TYW1: variants seen among roughly 807,000 people sequenced by gnomAD.
TYW1 encodes the protein tRNA-yW synthesizing protein 1 homolog.
Under a neutral mutation model 96.2 loss-of-function variants are expected in TYW1, and 46 were observed. That is an observed-to-expected ratio of 0.48 (90% CI 0.38 to 0.61). TYW1 has a LOEUF of 0.61. TYW1 is among the 20% of genes least tolerant of loss of function. The probability of loss-of-function intolerance (pLI) is 0.00; values close to 1 mark genes in which losing one functional copy is unlikely to be tolerated. For synonymous variants in TYW1, 274 were observed against 323.0 expected, an observed-to-expected ratio of 0.85 and a Z score of 1.63; for missense variants, 684 against 909.6, an observed-to-expected ratio of 0.75 and a Z score of 3.19.
At chr7:67,172,538 A>C (rs1232220002) in intron 13 of TYW1, among the ~76,000 whole-genome samples, 1 of 151,678 alleles carries the variant, frequency 6.6e-6, no homozygotes, top group African/African-American at 2.4e-5. Context: ...CTCCTGCCTG[A>C]GCCTCCCGAG....
intron 13 of TYW1, among the ~76,000 whole-genome samples, chr7:67,155,306 G>A (rs552351805): frequency 1.1e-4 from 17 of 152,230 alleles, no homozygotes; most frequent in Admixed American, 9.2e-4. Flanking sequence ...ATGAGTTGGC[G>A]CTGTCCTTGT....
At chr7:67,013,713 G>T (rs193126065) in intron 4 of TYW1, among the ~76,000 whole-genome samples, 1 of 148,474 alleles carries the variant, frequency 6.7e-6, no homozygotes, top group African/African-American at 2.5e-5. Context: ...TAGCCACCGT[G>T]CCTGGCCATC....
intron 15 of TYW1, among the ~76,000 whole-genome samples, chr7:67,202,719 C>G (rs550107625): frequency 6.6e-6 from 1 of 152,100 alleles, no homozygotes; most frequent in Non-Finnish European, 1.5e-5. Flanking sequence ...CTAATAATCC[C>G]GGGACTTCTG....
intron 13 of TYW1, among the ~76,000 whole-genome samples, chr7:67,138,881 T>C (rs1358377789): frequency 6.6e-6 from 1 of 151,700 alleles, no homozygotes; most frequent in Non-Finnish European, 1.5e-5. Context: ...CATCTGCCAT[T>C]GGATACTTAG....
chr7:67,115,612 C>G (rs570262888), intron 12 of TYW1, among the ~76,000 whole-genome samples: 1 of 152,106 alleles, frequency 6.6e-6, no homozygotes, highest in East Asian at 1.9e-4. Flanking sequence ...GCCTATATTC[C>G]CTTAAAAATT....
At chr7:67,028,873 G>A (rs1794547454) in intron 7 of TYW1, among the ~76,000 whole-genome samples, 1 of 152,186 alleles carries the variant, frequency 6.6e-6, no homozygotes, top group South Asian at 2.1e-4. Flanking sequence ...TCGAATACTG[G>A]TTGAAAAAAG....
chr7:67,156,300 G>A (rs1484302192), intron 13 of TYW1, among the ~76,000 whole-genome samples: 1 of 152,236 alleles, frequency 6.6e-6, no homozygotes, highest in Non-Finnish European at 1.5e-5. Flanking sequence ...TCAGGCCCCT[G>A]GGAGACACGC....
At chr7:67,160,515 GGTATGT>G (rs1428619605) in intron 13 of TYW1, among the ~76,000 whole-genome samples, 1 of 135,022 alleles carries the variant, frequency 7.4e-6, no homozygotes, top group African/African-American at 2.9e-5. Context: ...AAGGACTTAA[GGTATGT>G]GTATACATAT....
chr7:67,053,868 C>T (rs1019009963), intron 8 of TYW1, among the ~76,000 whole-genome samples: 1 of 152,184 alleles, frequency 6.6e-6, no homozygotes, highest in Non-Finnish European at 1.5e-5. Context: ...TTGTAGGTTT[C>T]ATCTCTCTAG....
intron 11 of TYW1, among the ~76,000 whole-genome samples, chr7:67,094,856 A>G (rs549510608): frequency 5.3e-5 from 8 of 152,230 alleles, no homozygotes; most frequent in East Asian, 1.9e-4. Context: ...TTCTCTATCT[A>G]TGAGGAACAT....
intron 14 of TYW1, among the ~76,000 whole-genome samples, chr7:67,193,252 C>T (rs1800278634): frequency 6.6e-6 from 1 of 152,160 alleles, no homozygotes; most frequent in South Asian, 2.1e-4. Context: ...TTCTCTAAAT[C>T]ACCGGGCAAA....
At chr7:67,183,064 C>G in intron 13 of TYW1, 62 bp from the exon 14 acceptor site, 1 of 1,446,484 alleles carries the variant, frequency 6.9e-7, no homozygotes, top group Non-Finnish European at 9.3e-7. Flanking sequence ...TTGAGAAACC[C>G]TCTAGGTTAA....
At chr7:67,014,130 G>A (rs553691209) in intron 4 of TYW1, among the ~76,000 whole-genome samples, 10 of 152,220 alleles carry the variant, frequency 6.6e-5, no homozygotes, top group African/African-American at 1.4e-4. Context: ...ACGGAATGGC[G>A]TATATGGTGA....
rs545432650 is a variant in TYW1 at position 66,996,868 on chromosome 7, A to G, written c.-111A>G. 4.4e-6 allele frequency: 7 copies of G among 1,580,564 alleles called. No homozygotes were observed. Among genetic ancestry groups the G allele is most frequent in the East Asian group, 2.3e-5 (1 of 43,564 alleles). Reference sequence around the variant, plus strand: ...CATGGCTGCCCACAGGTCTGCAGGCACTCGGTACGCCGCTAACGCGGCGAG... The same window carrying G: ...CATGGCTGCCCACAGGTCTGCAGGCGCTCGGTACGCCGCTAACGCGGCGAG... On this transcript the variant is annotated 5_prime_UTR_variant, in exon 1 of 16. Transcript: ENST00000359626.
At chr7:67,235,795 G>T (rs1362497471) in intron 15 of TYW1, among the ~76,000 whole-genome samples, 1 of 151,494 alleles carries the variant, frequency 6.6e-6, no homozygotes, top group East Asian at 1.9e-4. Context: ...TTGGGAGGCT[G>T]AGGCAGGAGA....
intron 15 of TYW1, among the ~76,000 whole-genome samples, chr7:67,228,248 G>A (rs1285357380): frequency 1.3e-5 from 2 of 152,210 alleles, no homozygotes; most frequent in African/African-American, 4.8e-5. Flanking sequence ...AGTTCACGTG[G>A]CTGGGGTGGC....
In TYW1 at chr7:67,173,884, G is replaced by A. The variant is rs12538144; in HGVS notation, c.1699-9242G>A. ...TTTTGGCATCTATTGATATGATCACGTGATTTTCCTTCTTTATCTTGTTGA... is the reference window on the plus strand; with the variant it reads ...TTTTGGCATCTATTGATATGATCACATGATTTTCCTTCTTTATCTTGTTGA... On this transcript the variant is annotated intron_variant, in intron 13 of 15. Transcript: ENST00000359626. 3.6e-5 allele frequency among the ~76,000 whole-genome samples: 5 copies of A among 137,978 alleles called. 1 individual carries two copies. Among genetic ancestry groups the A allele is most frequent in the Non-Finnish European group, 7.9e-5 (5 of 63,444 alleles). 90.5% of individuals were successfully genotyped at this position (137,978 alleles called of 152,430 possible).
intron 13 of TYW1, among the ~76,000 whole-genome samples, chr7:67,140,017 C>T (rs1000371784): frequency 2.6e-5 from 4 of 151,784 alleles, no homozygotes; most frequent in East Asian, 1.9e-4. Flanking sequence ...GGAGAAGCCT[C>T]GCAATCATGA....
chr7:67,147,287 A>G (rs1161324831), intron 13 of TYW1, among the ~76,000 whole-genome samples: 5 of 152,250 alleles, frequency 3.3e-5, no homozygotes, highest in African/African-American at 9.6e-5. Flanking sequence ...GAGAATGTGC[A>G]TAGGTTAAAT....
Sources: gnomAD v4.1 joint callset for allele counts (sites outside exome capture counted in the v4.1 genomes callset) on GRCh38, gnomAD v4.1.1 for gene constraint, MANE v1.5 for transcripts, NCBI Gene and HGNC (gene_info 2026-07-23, HGNC 2026-07-21) for gene names.